NREP: variants seen among roughly 807,000 people sequenced by gnomAD.
NREP encodes the protein neuronal regeneration related protein, also known as neuronal regeneration-related protein.
NREP carries 5 observed loss-of-function variants against 8.6 expected under a neutral mutation model. That is an observed-to-expected ratio of 0.58 (90% CI 0.30 to 1.22). The LOEUF is 1.22. Among genes scored for constraint, NREP ranks in the 50% most tolerant of loss-of-function variants. NREP has a pLI of 0.07. For synonymous variants in NREP, 27 were observed against 28.0 expected, an observed-to-expected ratio of 0.96 and a Z score of 0.11; for missense variants, 86 against 82.5, an observed-to-expected ratio of 1.04 and a Z score of -0.17.
At chr5:111,790,236 C>T (rs1484899949) in intron 2 of NREP, among the ~76,000 whole-genome samples, 20 of 150,960 alleles carry the variant, frequency 1.3e-4, no homozygotes, top group Admixed American at 1.3e-3. Context: ...GTATAAAATC[C>T]AGGACATCCT....
At chr5:111,762,651 AG>A (rs760765653), upstream of NREP, among the ~76,000 whole-genome samples, 59 of 152,328 alleles carry the variant, frequency 3.9e-4, no homozygotes, top group South Asian at 4.1e-3. Context: ...GACCACACGA[AG>A]ATGTGGGAAG....
Position 111,741,834 on chromosome 5 carries a change from C to G in NREP, c.4-6327G>C, listed in dbSNP as rs866117231. Reference sequence around the variant, plus strand: ...ATTTAAACACACACATACACACACACACACACACACACACACACACACACA... The same window carrying G: ...ATTTAAACACACACATACACACACAGACACACACACACACACACACACACA... On this transcript the variant is annotated intron_variant, in intron 2 of 3. Coordinates refer to ENST00000257435, the MANE Select transcript of NREP (RefSeq NM_004772.4). Among the ~76,000 whole-genome samples the G allele has an allele frequency of 2.3e-3, 355 of 151,524 alleles. 9 individuals carry two copies. In the South Asian group the frequency reaches 0.031, roughly 13 times the overall value.
In NREP at chr5:111,898,907, C is replaced by T. The variant is rs1754576649; in HGVS notation, c.135+76367G>A. 2.0e-5 allele frequency among the ~76,000 whole-genome samples: 3 copies of T among 152,088 alleles called. No homozygotes were observed. In the South Asian group the frequency reaches 6.2e-4, roughly 32 times the overall value. On this transcript the variant is annotated intron_variant, in intron 2 of 3. Transcript: ENST00000395634. ...CTAACAGTGGATTTCTCAGCAGAAA[C>T]CTTGTAGGCTGGGAGAGAATAAGGT... is the stretch of plus-strand genomic sequence containing the variant.
intron 2 of NREP, among the ~76,000 whole-genome samples, chr5:111,765,602 C>T (rs553079621): frequency 1.2e-4 from 18 of 152,226 alleles, no homozygotes; most frequent in East Asian, 1.9e-4. Flanking sequence ...GTGTAAGCCG[C>T]GGAGCTGGGA....
At chr5:111,884,198 C>A (rs1393965040) in intron 2 of NREP, among the ~76,000 whole-genome samples, 1 of 151,508 alleles carries the variant, frequency 6.6e-6, no homozygotes, top group East Asian at 1.9e-4. Flanking sequence ...ACAAACACCT[C>A]TACGCAAATA....
chr5:111,934,389 T>G (rs924001038), intron 2 of NREP, among the ~76,000 whole-genome samples: 1 of 151,922 alleles, frequency 6.6e-6, no homozygotes, highest in African/African-American at 2.4e-5. Flanking sequence ...AAGGTTATAA[T>G]TGCATTTCTA....
rs189464911 is a variant in NREP, at chr5:111,754,449, C to T, written c.3+1321G>A. Among the ~76,000 whole-genome samples the T allele has an allele frequency of 2.0e-3, 302 of 152,234 alleles. 2 individuals carry two copies. Among genetic ancestry groups the T allele is most frequent in the African/African-American group, 7.0e-3 (289 of 41,554 alleles). On this transcript the variant is annotated intron_variant, in intron 2 of 3. Coordinates refer to ENST00000257435, the MANE Select transcript of NREP (RefSeq NM_004772.4). ...ATGGTCACAGAAAGTAGGTAACGTT[C>T]TGAGATAAAGAGCTTGGAGGCAAGG... is the stretch of plus-strand genomic sequence containing the variant.
chr5:111,783,079 C>T (rs1313725883), intron 2 of NREP, among the ~76,000 whole-genome samples: 1 of 152,086 alleles, frequency 6.6e-6, no homozygotes, highest in African/African-American at 2.4e-5. Flanking sequence ...TGGGTGAACT[C>T]ATGGTAAGAA....
intron 2 of NREP, among the ~76,000 whole-genome samples, chr5:111,925,607 T>C (rs1034515418): frequency 6.6e-6 from 1 of 152,180 alleles, no homozygotes; most frequent in Non-Finnish European, 1.5e-5. Flanking sequence ...AGTAATAAAC[T>C]TGTACTTTAG....
At chr5:111,969,399 C>G (rs1442734858) in intron 2 of NREP, 1 of 152,200 alleles carries the variant, frequency 6.6e-6, no homozygotes, top group Non-Finnish European at 1.5e-5. Flanking sequence ...CATACACTTG[C>G]AAGCTTAACC....
chr5:111,918,471 C>T (rs919395568), intron 2 of NREP, among the ~76,000 whole-genome samples: 6 of 152,170 alleles, frequency 3.9e-5, no homozygotes, highest in Admixed American at 3.3e-4. Context: ...TACTACATGG[C>T]TACAGTAACC....
chr5:111,802,997 GA>G (rs1752048520), intron 2 of NREP, among the ~76,000 whole-genome samples: 1 of 152,074 alleles, frequency 6.6e-6, no homozygotes, highest in South Asian at 2.1e-4. Context: ...AAGGAATGAT[GA>G]AAGAAAAAAA....
At chr5:111,799,774 A>C (rs1452755480) in intron 2 of NREP, among the ~76,000 whole-genome samples, 1 of 152,238 alleles carries the variant, frequency 6.6e-6, no homozygotes, top group South Asian at 2.1e-4. Flanking sequence ...TATTTACTTC[A>C]GAAATTATTT....
chr5:111,923,271 A>G (rs1272278379), intron 2 of NREP, among the ~76,000 whole-genome samples: 2 of 152,158 alleles, frequency 1.3e-5, no homozygotes, highest in Admixed American at 1.3e-4. Context: ...CAGGGTGACT[A>G]CTGCATACCC....
intron 2 of NREP, among the ~76,000 whole-genome samples, chr5:111,875,104 G>A (rs928252450): frequency 3.3e-5 from 5 of 152,150 alleles, no homozygotes; most frequent in Non-Finnish European, 5.9e-5. Flanking sequence ...GGGATAAGCA[G>A]TGAAATCAGA....
At chr5:111,804,866 T>C (rs1009515397) in intron 2 of NREP, among the ~76,000 whole-genome samples, 4 of 151,954 alleles carry the variant, frequency 2.6e-5, no homozygotes, top group Non-Finnish European at 5.9e-5. Context: ...ACGGGTTTGG[T>C]GGCGGGCGCC....
chr5:111,964,863 A>AT (rs1484312242), intron 2 of NREP, among the ~76,000 whole-genome samples: 11 of 107,878 alleles, frequency 1.0e-4, no homozygotes, highest in Admixed American at 1.7e-4. Flanking sequence ...AGCAAAAAAA[A>AT]AAAAAAAAAA....
At chr5:111,934,207 C>G (rs1052981675) in intron 2 of NREP, among the ~76,000 whole-genome samples, 3 of 152,138 alleles carry the variant, frequency 2.0e-5, no homozygotes, top group Non-Finnish European at 4.4e-5. Context: ...AAGATACTCT[C>G]CAGGTGAGAG....
At chr5:111,835,208 C>G (rs541229384) in intron 2 of NREP, among the ~76,000 whole-genome samples, 1 of 152,156 alleles carries the variant, frequency 6.6e-6, no homozygotes, top group Non-Finnish European at 1.5e-5. Flanking sequence ...AAGGAACACA[C>G]CCATTCACTT....
Sources: allele counts gnomAD v4.1 joint callset (sites outside exome capture counted in the v4.1 genomes callset), GRCh38; gene constraint gnomAD v4.1.1; transcripts MANE v1.5; gene names NCBI Gene and HGNC (gene_info 2026-07-23, HGNC 2026-07-21).